The following ANAPC16 variants were observed in gnomAD, a reference collection of about 807,000 sequenced individuals.
ANAPC16 encodes the protein anaphase promoting complex subunit 16, also known as anaphase-promoting complex subunit 16.
ANAPC16 carries 6 observed loss-of-function variants against 13.1 expected under a neutral mutation model. The ratio of observed to expected loss-of-function variants is 0.46; its 90% CI spans 0.25 to 0.90. The LOEUF is 0.90. ANAPC16 is among the 40% of genes least tolerant of loss of function. The pLI is 0.18. For synonymous variants in ANAPC16, 55 were observed against 51.3 expected, an observed-to-expected ratio of 1.07 and a Z score of -0.31; for missense variants, 113 against 131.1, an observed-to-expected ratio of 0.86 and a Z score of 0.67.
chr10:72,218,159 AAAAAAAATATATATATATATAT>A lies in ANAPC16; in HGVS notation c.-28+2023_-28+2044del, dbSNP rs1314000851. Among the ~76,000 whole-genome samples the A allele has an allele frequency of 1.3e-3, 59 of 45,846 alleles. 6 individuals are homozygous for A. The highest frequency in any genetic ancestry group is 7.8e-3 in the Middle Eastern group (1 of 128). 30.1% of individuals were successfully genotyped at this position (45,846 alleles called of 152,430 possible). ...AAACTCTGTCTCAAAAAAAAAAAAAAAAAAAAATATATATATATATATATATATATATATATATATATATATA... is the reference window on the plus strand; with the variant it reads ...AAACTCTGTCTCAAAAAAAAAAAAAAATATATATATATATATATATATATA... On this transcript the variant is annotated intron_variant, in intron 1 of 3. Coordinates refer to ENST00000299381, the MANE Select transcript of ANAPC16 (RefSeq NM_173473.4).
At chr10:72,221,703 C>T (rs200159652) in intron 1 of ANAPC16, among the ~76,000 whole-genome samples, 5 of 149,712 alleles carry the variant, frequency 3.3e-5, no homozygotes, top group East Asian at 1.9e-4. Flanking sequence ...AGACTACAGG[C>T]GCCCACCACC....
At position 72,219,705 on chromosome 10, in the gene ANAPC16, C is replaced by G. The variant is rs577084635; in HGVS notation, c.-28+3567C>G. On this transcript the variant is annotated intron_variant, in intron 1 of 3. Coordinates refer to ENST00000299381, the MANE Select transcript of ANAPC16 (RefSeq NM_173473.4). The stretch of plus-strand genomic sequence containing the variant: ...TTAGCCAGGATAGTGCCACTGCATT[C>G]CAGCCTGGGAAACATAGCGACACTC... 2.6e-5 allele frequency among the ~76,000 whole-genome samples: 4 copies of G among 152,248 alleles called. No individual in the cohort carries two copies. The South Asian group carries it at 8.3e-4, about 32-fold the overall frequency.
In ANAPC16 at chr10:72,216,138, G is replaced by GATGGCTCTGAGAGATTCCTCTGCGAATCT; in HGVS notation, c.-28_-28+1insATGGCTCTGAGAGATTCCTCTGCGAATCT. ...TAGGGGAAAGTGCTAAAGCCGCTGA[G>GATGGCTCTGAGAGATTCCTCTGCGAATCT]GTAAGAGGCCGAGGGGTCGAGGGCC... is the stretch of plus-strand genomic sequence containing the variant. On this transcript the variant is annotated splice_region_variant and 5_prime_UTR_variant. In the 5' UTR this introduces an upstream ATG that the reference lacks. Coordinates refer to ENST00000299381, the MANE Select transcript of ANAPC16 (RefSeq NM_173473.4). 2 of 152,864 alleles carry GATGGCTCTGAGAGATTCCTCTGCGAATCT rather than the reference G, an allele frequency of 1.3e-5. 1 individual carries two copies. The allele number at this position is 152,864 out of a possible 1,614,324, so 9.5% of individuals were successfully genotyped here.
chr10:72,224,748 C>T (rs1589712313), intron 2 of ANAPC16, among the ~76,000 whole-genome samples: 1 of 152,184 alleles, frequency 6.6e-6, no homozygotes, highest in African/African-American at 2.4e-5. Context: ...GGTGATTAAT[C>T]TACGGATAGA....
At chr10:72,216,745 G>T (rs1859417631) in intron 1 of ANAPC16, 14 of 449,392 alleles carry the variant, frequency 3.1e-5, no homozygotes, top group South Asian at 1.6e-4. Flanking sequence ...AAGCATCTTA[G>T]CTCGGACACA....
At chr10:72,227,962 C>T (rs1385070991) in intron 2 of ANAPC16, among the ~76,000 whole-genome samples, 1 of 148,524 alleles carries the variant, frequency 6.7e-6, no homozygotes, top group African/African-American at 2.5e-5. Flanking sequence ...ACCCAGGAGG[C>T]GGAGGTTGCA....
chr10:72,223,276 G>A (rs1479983883), intron 1 of ANAPC16: 1 of 151,788 alleles, frequency 6.6e-6, no homozygotes, highest in East Asian at 1.9e-4. Flanking sequence ...ATGTTGGCCA[G>A]GCTGGTCTTG....
intron 2 of ANAPC16, among the ~76,000 whole-genome samples, chr10:72,227,602 T>C (rs1347690358): frequency 2.6e-5 from 4 of 152,006 alleles, no homozygotes; most frequent in Admixed American, 6.6e-5. Flanking sequence ...ATCAAGAATA[T>C]TAAATTGAGA....
In ANAPC16 at chr10:72,218,145, C is replaced by CAAAA. The variant is rs142932037; in HGVS notation, c.-28+2025_-28+2028dup. Among the ~76,000 whole-genome samples the CAAAA allele has an allele frequency of 4.3e-4, 15 of 34,880 alleles. 1 individual carries two copies. The highest frequency in any genetic ancestry group is 3.6e-3 in the African/African-American group (15 of 4,216). The allele number at this position is 34,880 out of a possible 152,430, so 22.9% of individuals were successfully genotyped here. On this transcript the variant is annotated intron_variant, in intron 1 of 3. Coordinates refer to ENST00000299381, the MANE Select transcript of ANAPC16 (RefSeq NM_173473.4). Reference sequence around the variant, plus strand: ...GGGCAACAAGAGTGAAACTCTGTCTCAAAAAAAAAAAAAAAAAAAAATATA... The same window carrying CAAAA: ...GGGCAACAAGAGTGAAACTCTGTCTCAAAAAAAAAAAAAAAAAAAAAAAAATATA...
At position 72,223,878 on chromosome 10, in the gene ANAPC16, TTCTC is replaced by T; in HGVS notation, c.-27-8_-27-5del. The T allele has an allele frequency of 4.0e-6, 6 of 1,496,186 alleles. No individual in the cohort carries two copies. The highest frequency in any genetic ancestry group is 2.4e-5 in the East Asian group (1 of 41,802). The allele number at this position is 1,496,186 out of a possible 1,614,324, so 92.7% of individuals were successfully genotyped here. A position where few individuals can be genotyped will look rare whatever the true frequency, so the allele number is the denominator to read the frequency against. ...TAAACTTGCCAATTGCTGTTTTTCT[TTCTC>T]TGTAGTGAAGTAAGAACTCTGCTAG... is the stretch of plus-strand genomic sequence containing the variant. On this transcript the variant is annotated splice_region_variant and splice_polypyrimidine_tract_variant and intron_variant, in intron 1 of 3. Coordinates refer to ENST00000299381, the MANE Select transcript of ANAPC16 (RefSeq NM_173473.4).
chr10:72,220,597 TGCAATA>T (rs1859882563), intron 1 of ANAPC16, among the ~76,000 whole-genome samples: 1 of 151,298 alleles, frequency 6.6e-6, no homozygotes, highest in Non-Finnish European at 1.5e-5. Flanking sequence ...GAGATGAGGC[TGCAATA>T]GCATGATCAC....
chr10:72,226,044 C>CT (rs1336485401), intron 2 of ANAPC16, among the ~76,000 whole-genome samples: 2 of 144,818 alleles, frequency 1.4e-5, no homozygotes, highest in Non-Finnish European at 3.0e-5. Context: ...GAGACAGAGT[C>CT]TCGCTCTGTT....
chr10:72,233,184 A>G lies in ANAPC16; in HGVS notation c.*68A>G, dbSNP rs1174149633. On this transcript the variant is annotated 3_prime_UTR_variant, in exon 4 of 4. Transcript: ENST00000299381. Reference sequence around the variant, plus strand: ...CCAGTGGGGGACTTTCTCACAGCTTACATAGCCATCCAGAGATCCACAGCT... The same window carrying G: ...CCAGTGGGGGACTTTCTCACAGCTTGCATAGCCATCCAGAGATCCACAGCT... The G allele has an allele frequency of 1.6e-6, 2 of 1,223,180 alleles. No individual in the cohort carries two copies. Among genetic ancestry groups the G allele is most frequent in the Admixed American group, 1.8e-5 (1 of 55,210 alleles). The allele number at this position is 1,223,180 out of a possible 1,614,324, so 75.8% of individuals were successfully genotyped here.
rs13980 is a variant in ANAPC16, at chr10:72,233,121, G to A, written c.*5G>A. 8.1e-5 allele frequency: 131 copies of A among 1,611,918 alleles called. No homozygotes were observed. Among genetic ancestry groups the A allele is most frequent in the Middle Eastern group, 6.7e-4 (4 of 5,994 alleles). ...TTCACCCCCTCTTCAGGTTGATACT[G>A]CCTGGATGGTCACCTCTGGTGCGCA... is the stretch of plus-strand genomic sequence containing the variant. On this transcript the variant is annotated 3_prime_UTR_variant, in exon 4 of 4. Coordinates refer to ENST00000299381, the MANE Select transcript of ANAPC16 (RefSeq NM_173473.4).
rs186295775 is a variant in ANAPC16, at chr10:72,219,688, G to C, written c.-28+3550G>C. 2.0e-5 allele frequency among the ~76,000 whole-genome samples: 3 copies of C among 152,172 alleles called. No individual in the cohort carries two copies. In the East Asian group the frequency reaches 5.8e-4, roughly 29 times the overall value. ...GGAGGTCAAGGCTGGAGTTAGCCAG[G>C]ATAGTGCCACTGCATTCCAGCCTGG... On this transcript the variant is annotated intron_variant, in intron 1 of 3. Transcript: ENST00000299381.
At chr10:72,221,547 CTTTTT>C (rs910872494) in intron 1 of ANAPC16, among the ~76,000 whole-genome samples, 1 of 91,350 alleles carries the variant, frequency 1.1e-5, no homozygotes, top group Non-Finnish European at 2.1e-5. Context: ...TTTTTCTTTT[CTTTTT>C]TTTTTTTTTT....
intron 3 of ANAPC16, among the ~76,000 whole-genome samples, chr10:72,232,360 C>T (rs1860342625): frequency 6.6e-6 from 1 of 151,678 alleles, no homozygotes; most frequent in African/African-American, 2.4e-5. Context: ...GCCTGGCCAA[C>T]ATGGTGAAAC....
At chr10:72,224,090 C>T (rs763562502) in intron 2 of ANAPC16, 34 bp downstream of exon 2, 1 of 1,540,876 alleles carries the variant, frequency 6.5e-7, no homozygotes, top group East Asian at 2.3e-5. Flanking sequence ...TAATTGGATT[C>T]AGATCTGCAA....
At chr10:72,229,392 C>T (rs1860227807) in intron 2 of ANAPC16, among the ~76,000 whole-genome samples, 1 of 151,662 alleles carries the variant, frequency 6.6e-6, no homozygotes, top group African/African-American at 2.4e-5. Flanking sequence ...AGCATGAGGC[C>T]AGAATGTGTT....
Sources: allele counts gnomAD v4.1 joint callset (sites outside exome capture counted in the v4.1 genomes callset), GRCh38; gene constraint gnomAD v4.1.1; transcripts MANE v1.5; gene names NCBI Gene and HGNC (gene_info 2026-07-23, HGNC 2026-07-21).